Variants in TERB1 observed in about 807,000 individuals in gnomAD.
TERB1 encodes telomere repeat binding bouquet formation protein 1.
A neutral mutation model predicts 92.3 loss-of-function variants in TERB1; 63 were observed. The observed-to-expected ratio is 0.68, with a 90% CI of 0.56 to 0.84. TERB1 has a LOEUF of 0.84. Ranked by LOEUF, TERB1 falls within the 40% of genes least tolerant of loss-of-function variation. TERB1 has a pLI of 0.00. For synonymous variants in TERB1, 252 were observed against 283.9 expected (o/e 0.89, Z 1.13); for missense variants, 709 against 843.7 (o/e 0.84, Z 1.98).
chr16:66,786,192 ATAAT>A, intron 7 of TERB1, 29 bp downstream of exon 7: 1 of 1,534,902 alleles, frequency 6.5e-7, no homozygotes. Context: ...TAAGTAATGA[ATAAT>A]TAACAAAAAG....
chr16:66,791,247 A>G (rs1480643418), intron 3 of TERB1, among the ~76,000 whole-genome samples: 1 of 152,136 alleles, frequency 6.6e-6, no homozygotes, highest in African/African-American at 2.4e-5. Flanking sequence ...TTTTATAAAT[A>G]TAGGAATAGA....
At chr16:66,768,886 C>T (rs1361839217) in intron 14 of TERB1, among the ~76,000 whole-genome samples, 1 of 151,954 alleles carries the variant, frequency 6.6e-6, no homozygotes, top group Non-Finnish European at 1.5e-5. Flanking sequence ...GGCAGATCAC[C>T]TGAGGTCGCG....
chr16:66,788,276 C>T lies in TERB1; in HGVS notation c.293G>A (p.Cys98Tyr). 6.7e-7 allele frequency: 1 copy of T among 1,496,004 alleles called. No homozygotes were observed. Among genetic ancestry groups the T allele is most frequent in the Non-Finnish European group, 8.9e-7 (1 of 1,127,328 alleles). The allele number at this position is 1,496,004 out of a possible 1,614,324, so 92.7% of individuals were successfully genotyped here. A position where few individuals can be genotyped will look rare whatever the true frequency, so the allele number is the denominator to read the frequency against. ...TAAGTCTTCAAACAACTCTGAAGTA[C>T]ACAAAGTCTGCTGACAGTAAACTGA... ...EKNVYCQQTLCTSELFEDLTW... is the reference protein window; with the variant it reads ...EKNVYCQQTLYTSELFEDLTW... The change falls in exon 6 of 19, where the codon TGT becomes TAT. Residue 98 changes from cysteine (C) to tyrosine (Y), a missense_variant. Physicochemically the swap from Cys to Tyr is radical, Grantham distance 194. Transcript: ENST00000433154.
At chr16:66,758,085 GAGAATGGCTTT>G (rs2018167130) in intron 18 of TERB1, among the ~76,000 whole-genome samples, 3 of 152,182 alleles carry the variant, frequency 2.0e-5, no homozygotes. Flanking sequence ...AGGGCTTCTG[GAGAATGGCTTT>G]TTGAATCTAA....
At chr16:66,787,756 C>T (rs1250542769) in intron 6 of TERB1, among the ~76,000 whole-genome samples, 1 of 152,116 alleles carries the variant, frequency 6.6e-6, no homozygotes, top group East Asian at 1.9e-4. Context: ...TAAATACATG[C>T]TAATAACCCA....
At chr16:66,755,409 A>T (rs965735976) in intron 18 of TERB1, among the ~76,000 whole-genome samples, 1 of 152,232 alleles carries the variant, frequency 6.6e-6, no homozygotes, top group Admixed American at 6.5e-5. Context: ...GTAATACAAC[A>T]TCTTTCAGTC....
At chr16:66,755,185 A>G in intron 18 of TERB1, 22 bp from the exon 19 acceptor site, 1 of 1,412,602 alleles carries the variant, frequency 7.1e-7, no homozygotes. Context: ...ATTGTAGAAT[A>G]TATTAGTATT....
intron 2 of TERB1, among the ~76,000 whole-genome samples, chr16:66,799,023 T>C (rs956467336): frequency 6.6e-6 from 1 of 152,228 alleles, no homozygotes; most frequent in Non-Finnish European, 1.5e-5. Flanking sequence ...CTGTCTCCCA[T>C]ATATAAATAC....
intron 16 of TERB1, among the ~76,000 whole-genome samples, chr16:66,763,545 A>G (rs1304053316): frequency 1.3e-5 from 2 of 152,186 alleles, no homozygotes; most frequent in Non-Finnish European, 2.9e-5. Context: ...TCATATTAAG[A>G]GGTACATATT....
At chr16:66,794,772 T>G (rs2018897633) in intron 3 of TERB1, among the ~76,000 whole-genome samples, 1 of 151,802 alleles carries the variant, frequency 6.6e-6, no homozygotes, top group South Asian at 2.1e-4. Flanking sequence ...TAGCTGGGCG[T>G]GGTGGTGGGC....
chr16:66,760,606 T>C (rs9708609), intron 16 of TERB1, among the ~76,000 whole-genome samples: 120 of 120,846 alleles, frequency 9.9e-4, no homozygotes, highest in Admixed American at 1.2e-3. Context: ...GCCAATATGG[T>C]GAAACCCCAT....
intron 16 of TERB1, among the ~76,000 whole-genome samples, chr16:66,760,477 A>G (rs2018220920): frequency 1.3e-5 from 1 of 78,980 alleles, no homozygotes; most frequent in Non-Finnish European, 2.3e-5. Context: ...AAAAGAAAAG[A>G]AAAGAAAAGA....
chr16:66,761,143 G>T (rs924246067), intron 16 of TERB1, among the ~76,000 whole-genome samples: 132 of 140,016 alleles, frequency 9.4e-4, no homozygotes, highest in Non-Finnish European at 1.1e-3. Context: ...AAAAGAAAAA[G>T]AAAAAAGAAA....
At position 66,788,132 on chromosome 16, in the gene TERB1, A is replaced by G. The variant is rs928319835; in HGVS notation, c.400+37T>C. 4.4e-6 allele frequency: 6 copies of G among 1,359,328 alleles called. No homozygotes were observed. The African/African-American group carries it at 6.1e-5, about 14-fold the overall frequency. The allele number at this position is 1,359,328 out of a possible 1,614,324, so 84.2% of individuals were successfully genotyped here. On this transcript the variant is annotated intron_variant, in intron 6 of 18. Coordinates refer to ENST00000433154, the MANE Select transcript of TERB1 (RefSeq NM_001136505.2). The stretch of plus-strand genomic sequence containing the variant: ...TTAATAATGGCTGTTCCAATTGATT[A>G]AAGTGTTTTCAAATAGTCATAAGAG...
At chr16:66,796,327 T>G (rs2018929065) in intron 3 of TERB1, among the ~76,000 whole-genome samples, 1 of 152,196 alleles carries the variant, frequency 6.6e-6, no homozygotes, top group South Asian at 2.1e-4. Flanking sequence ...TCTTTTCACC[T>G]TTTTGAAATG....
chr16:66,789,166 C>G (rs12447308), intron 5 of TERB1, among the ~76,000 whole-genome samples: 76,829 of 151,572 alleles, frequency 0.51, 20,328 homozygotes, highest in African/African-American at 0.64. Flanking sequence ...ATGAATAAAT[C>G]CTTCAGTGGA....
intron 13 of TERB1, 107 bp from the exon 14 acceptor site, chr16:66,770,416 A>C: frequency 2.7e-6 from 2 of 748,106 alleles, no homozygotes; most frequent in Non-Finnish European, 4.2e-6. Context: ...TATGATTGCC[A>C]ATAGAACATA....
intron 2 of TERB1, among the ~76,000 whole-genome samples, chr16:66,797,237 T>TC (rs1044604591): frequency 4.0e-5 from 6 of 149,082 alleles, no homozygotes; most frequent in African/African-American, 1.5e-4. Context: ...TTCCTTCCTT[T>TC]TTTTTTTTTT....
intron 3 of TERB1, among the ~76,000 whole-genome samples, chr16:66,792,138 C>A (rs1224986576): frequency 6.6e-5 from 10 of 152,048 alleles, no homozygotes; most frequent in Non-Finnish European, 1.2e-4. Flanking sequence ...TAAAAAAAAT[C>A]AATGTAACAA....
Sources: gnomAD v4.1 joint callset for allele counts (sites outside exome capture counted in the v4.1 genomes callset) on GRCh38, gnomAD v4.1.1 for gene constraint, MANE v1.5 for transcripts, NCBI Gene and HGNC (gene_info 2026-07-23, HGNC 2026-07-21) for gene names.